KLRG1: variants seen among roughly 807,000 people sequenced by gnomAD.
KLRG1 encodes the protein killer cell lectin-like receptor subfamily G member 1.
In KLRG1, 16 loss-of-function variants were observed where a neutral mutation model predicts 21.8. The observed-to-expected ratio is 0.73, with a 90% confidence interval of 0.50 to 1.11. The LOEUF is 1.11. KLRG1 is among the 50% of genes most tolerant of loss of function. The pLI is 0.00. For synonymous variants in KLRG1, 69 were observed against 75.9 expected (o/e 0.91, Z 0.47); for missense variants, 173 against 218.3 (o/e 0.79, Z 1.31).
At chr12:9,074,480 T>C in the KLRG1 span, 37 of 1,349,396 alleles carry the variant, frequency 2.7e-5, no homozygotes, top group Admixed American at 5.2e-4. Context: ...ATTTTTTTCT[T>C]CTTGGATGTG....
chr12:9,177,287 A>G, the KLRG1 span, among the ~76,000 whole-genome samples: 13 of 152,338 alleles, frequency 8.5e-5, no homozygotes, highest in African/African-American at 2.9e-4. Flanking sequence ...ATTGTGGGAC[A>G]CCAGCAGCCC....
chr12:9,193,974 C>T, the KLRG1 span: 2 of 1,118,406 alleles, frequency 1.8e-6, no homozygotes, highest in Non-Finnish European at 2.5e-6. Flanking sequence ...AGTTAGATAT[C>T]TTCTTATTTC....
chr12:8,980,791 A>G (rs773157083), intron 1 of KLRG1, among the ~76,000 whole-genome samples: 52 of 152,174 alleles, frequency 3.4e-4, no homozygotes, highest in Admixed American at 9.8e-4. Context: ...ATTCTTGAAG[A>G]CTGTGGGGGT....
At chr12:9,039,204 C>T in the KLRG1 span, among the ~76,000 whole-genome samples, 9 of 152,204 alleles carry the variant, frequency 5.9e-5, no homozygotes, top group Non-Finnish European at 1.3e-4. Context: ...TCTTCGCCTC[C>T]GCGTCTATTC....
chr12:9,139,326 C>T, the KLRG1 span, among the ~76,000 whole-genome samples: 1 of 152,010 alleles, frequency 6.6e-6, no homozygotes, highest in African/African-American at 2.4e-5. Context: ...TTTGTTATAA[C>T]TTATTTTGTG....
At chr12:9,121,289 A>C in the KLRG1 span, among the ~76,000 whole-genome samples, 1 of 152,164 alleles carries the variant, frequency 6.6e-6, no homozygotes, top group Non-Finnish European at 1.5e-5. The surrounding 1 kb of genome is among the most constrained non-coding windows in gnomAD (Gnocchi z 4.4). Flanking sequence ...CAAAATTATC[A>C]AAAAGCACTT....
chr12:9,096,809 T>C, the KLRG1 span, among the ~76,000 whole-genome samples: 3 of 152,346 alleles, frequency 2.0e-5, no homozygotes, highest in African/African-American at 7.2e-5. Flanking sequence ...GTCTGTCTCA[T>C]CTATGGGACA....
the KLRG1 span, chr12:9,150,760 T>C: frequency 1.3e-6 from 2 of 1,559,668 alleles, no homozygotes; most frequent in South Asian, 2.2e-5. Context: ...AAAGGAAAAG[T>C]GGGAGTAATC....
At chr12:9,130,958 A>T in the KLRG1 span, among the ~76,000 whole-genome samples, 2 of 152,156 alleles carry the variant, frequency 1.3e-5, no homozygotes, top group Non-Finnish European at 2.9e-5. Context: ...TTAATATATT[A>T]TAAGTTAAAT....
At chr12:9,170,048 C>G in the KLRG1 span, 3 of 152,538 alleles carry the variant, frequency 2.0e-5, no homozygotes, top group African/African-American at 4.8e-5. This position sits in a 1 kb window ranked among gnomAD's most constrained non-coding sequence, Gnocchi z 4.6. Context: ...GCAGCACTTA[C>G]GGAGTGGAAT....
At chr12:9,108,012 C>T in the KLRG1 span, among the ~76,000 whole-genome samples, 1 of 152,092 alleles carries the variant, frequency 6.6e-6, no homozygotes, top group Admixed American at 6.5e-5. Context: ...TCAAGTCTAC[C>T]TAGGAATACA....
the KLRG1 span, among the ~76,000 whole-genome samples, chr12:9,051,743 T>C: frequency 6.6e-5 from 10 of 152,230 alleles, no homozygotes; most frequent in African/African-American, 2.4e-4. Flanking sequence ...CTGATTTCTC[T>C]AGCCTCACTT....
the KLRG1 span, chr12:9,072,672 TCTC>T: frequency 6.2e-7 from 1 of 1,614,116 alleles, no homozygotes; most frequent in Non-Finnish European, 8.5e-7. Context: ...GACACATCCT[TCTC>T]CTGTCACTTT....
the KLRG1 span, among the ~76,000 whole-genome samples, chr12:9,137,735 T>C: frequency 1.3e-5 from 2 of 152,104 alleles, no homozygotes; most frequent in Non-Finnish European, 2.9e-5. Flanking sequence ...GTCTTTCACT[T>C]CCTTGGAAAA....
At chr12:9,163,785 A>G in the KLRG1 span, 2 of 1,611,776 alleles carry the variant, frequency 1.2e-6, no homozygotes, top group African/African-American at 1.3e-5. Context: ...AGAAGTTCAC[A>G]TTCCCTAAAA....
chr12:9,185,799 C>CTTTT, the KLRG1 span, among the ~76,000 whole-genome samples: 1 of 147,172 alleles, frequency 6.8e-6, no homozygotes, highest in Non-Finnish European at 1.5e-5. Flanking sequence ...CATTTCTTTT[C>CTTTT]TTTTCTTTTC....
the KLRG1 span, chr12:9,151,646 C>G: frequency 1.2e-6 from 2 of 1,613,882 alleles, no homozygotes; most frequent in Non-Finnish European, 1.7e-6. Context: ...TCACTTCTGT[C>G]CGGCTCACAG....
the KLRG1 span, chr12:9,027,621 C>T: frequency 3.4e-6 from 3 of 871,470 alleles, no homozygotes; most frequent in Non-Finnish European, 5.8e-6. Context: ...GCCTCCACCA[C>T]CACAGGGGCC....
chr12:9,095,785 C>T, the KLRG1 span: 30 of 1,215,650 alleles, frequency 2.5e-5, no homozygotes, highest in Middle Eastern at 3.1e-4. Flanking sequence ...CGGAGTCTCG[C>T]TCTGTCGCCC....
Sources: gnomAD v4.1 joint callset for allele counts (sites outside exome capture counted in the v4.1 genomes callset) on GRCh38, gnomAD v4.1.1 for gene constraint, Gnocchi (gnomAD v3.1) non-coding constraint, MANE v1.5 for transcripts, NCBI Gene and HGNC (gene_info 2026-07-23, HGNC 2026-07-21) for gene names.